The following MED14 variants were observed in gnomAD, a reference collection of about 807,000 sequenced individuals.
MED14 encodes mediator complex subunit 14, also known as mediator of RNA polymerase II transcription subunit 14.
In MED14, 8 loss-of-function variants were observed where a neutral mutation model predicts 109.0. That is an observed-to-expected ratio of 0.07 (90% CI 0.04 to 0.13). The LOEUF (loss-of-function observed/expected upper bound fraction) is 0.13, where lower values mean the gene tolerates loss of function less well. Ranked by LOEUF, MED14 falls within the 10% of genes least tolerant of loss-of-function variation. The pLI is 1.00. For missense variants in MED14, 711 were observed against 1,142.4 expected (o/e 0.62, Z 5.44); for synonymous variants, 399 against 408.7 (o/e 0.98, Z 0.29).
At chrX:40,686,832 TC>T in intron 16 of MED14, among the ~76,000 whole-genome samples, 1 of 112,008 alleles carries the variant, frequency 8.9e-6, no homozygotes, top group South Asian at 3.7e-4. Context: ...GAAACCTGTT[TC>T]CTGGACCAAA....
At chrX:40,687,411 T>A (rs1450967740) in intron 16 of MED14, among the ~76,000 whole-genome samples, 1 of 111,898 alleles carries the variant, frequency 8.9e-6, no homozygotes, top group Non-Finnish European at 1.9e-5. Context: ...TTCAATTTAT[T>A]CTCCATATTG....
intron 7 of MED14, among the ~76,000 whole-genome samples, chrX:40,711,583 T>C (rs1398907592): frequency 9.0e-6 from 1 of 111,490 alleles, no homozygotes; most frequent in Non-Finnish European, 1.9e-5. Context: ...ATTGACCAAA[T>C]AGTACTATTT....
At chrX:40,692,370 G>A in intron 14 of MED14, 53 bp from the exon 15 acceptor site, 1 of 881,041 alleles carries the variant, frequency 1.1e-6, no homozygotes, top group South Asian at 2.3e-5. Context: ...AAAAGTACAT[G>A]TGATGCAATT....
chrX:40,711,395 C>A, intron 7 of MED14, 94 bp from the exon 8 acceptor site: 1 of 708,191 alleles, frequency 1.4e-6, no homozygotes, highest in South Asian at 4.3e-5. Flanking sequence ...TTATTGAAAA[C>A]CTGGAGAAAA....
At chrX:40,690,247 C>T (rs376189317) in intron 15 of MED14, among the ~76,000 whole-genome samples, 1 of 111,802 alleles carries the variant, frequency 8.9e-6, no homozygotes, top group African/African-American at 3.3e-5. Context: ...GTTCTAGGAG[C>T]TGGGTCATCA....
chrX:40,701,242 G>C lies in MED14; in HGVS notation c.1413C>G (p.Asp471Glu). The C allele has an allele frequency of 8.5e-7, 1 of 1,180,813 alleles. No homozygotes were observed. Among genetic ancestry groups the C allele is most frequent in the East Asian group, 3.0e-5 (1 of 33,595 alleles). Residue 471 changes from aspartate (D) to glutamate (E), a missense_variant and splice_region_variant, in exon 12 of 31, where the codon GAC becomes GAG. Physicochemically the swap from Asp to Glu is conservative, Grantham distance 45. Around this residue, in one of 8 missense-constraint regions of MED14, gnomAD observed 388 missense variants for 517.3 expected, o/e 0.75. Transcript: ENST00000324817. ...GMFQLMLYGL[D>E]QATLDDMEKS... The stretch of plus-strand genomic sequence containing the variant: ...TCTCCATGTCATCCAGAGTGGCCTG[G>C]TCTACAGAATAAAGCACTTCATTAA...
chrX:40,676,640 T>A (rs1253738861), intron 21 of MED14, among the ~76,000 whole-genome samples: 1 of 111,962 alleles, frequency 8.9e-6, no homozygotes, highest in Admixed American at 9.4e-5. Flanking sequence ...TGTAATCGAA[T>A]TGTAATCCCC....
intron 3 of MED14, among the ~76,000 whole-genome samples, chrX:40,716,850 C>T (rs773689489): frequency 6.3e-5 from 7 of 111,390 alleles, no homozygotes; most frequent in African/African-American, 2.0e-4. Flanking sequence ...GAAAGCCTGC[C>T]GTTTGCAACA....
intron 16 of MED14, among the ~76,000 whole-genome samples, chrX:40,683,394 C>CA (rs1394094249): frequency 8.9e-6 from 1 of 111,911 alleles, no homozygotes; most frequent in East Asian, 2.8e-4. Context: ...GCCTTGGAGT[C>CA]AGAGACCCAC....
intron 12 of MED14, 89 bp downstream of exon 12, chrX:40,701,076 T>A: frequency 1.6e-6 from 1 of 625,815 alleles, no homozygotes; most frequent in Non-Finnish European, 2.5e-6. Context: ...TTAAGGACAG[T>A]GAATGACCAA....
At chrX:40,697,873 T>C (rs1005905753) in intron 12 of MED14, among the ~76,000 whole-genome samples, 2 of 112,068 alleles carry the variant, frequency 1.8e-5, no homozygotes, top group African/African-American at 3.2e-5. Flanking sequence ...GGTTGGGTGC[T>C]GATACATTTG....
Position 40,713,770 on chromosome X carries a change from A to G in MED14, c.652+8T>C. 8.3e-7 allele frequency: 1 copy of G among 1,210,069 alleles called. No individual in the cohort carries two copies. The highest frequency in any genetic ancestry group is 1.1e-6 in the Non-Finnish European group (1 of 894,669). ...CAACTCTTAAAAAAATAAATTTCAG[A>G]TACATACCAACTGTAAGATTTGCTA... On this transcript the variant is annotated splice_region_variant and intron_variant, in intron 5 of 30. Transcript: ENST00000324817.
chrX:40,703,388 T>G, intron 11 of MED14, 56 bp downstream of exon 11: 1 of 1,042,999 alleles, frequency 9.6e-7, no homozygotes, highest in Non-Finnish European at 1.3e-6. Context: ...GTTTATTTTG[T>G]TTTTGTTAAA....
At chrX:40,725,522 C>A (rs1323443127) in intron 3 of MED14, among the ~76,000 whole-genome samples, 1 of 112,036 alleles carries the variant, frequency 8.9e-6, no homozygotes, top group Non-Finnish European at 1.9e-5. Context: ...AAGGATGGTT[C>A]AAAATATACA....
intron 10 of MED14, among the ~76,000 whole-genome samples, chrX:40,705,612 G>A (rs931105270): frequency 8.9e-6 from 1 of 112,250 alleles, no homozygotes; most frequent in African/African-American, 3.2e-5. Context: ...AGCAGTGTAA[G>A]ATGACAGGAC....
intron 16 of MED14, among the ~76,000 whole-genome samples, chrX:40,687,450 A>G (rs746261164): frequency 4.5e-4 from 50 of 111,947 alleles, no homozygotes; most frequent in Non-Finnish European, 8.1e-4. Context: ...AAAAACACCT[A>G]TCTAATGATG....
chrX:40,676,256 C>T (rs1412937216), intron 21 of MED14, among the ~76,000 whole-genome samples: 4 of 111,918 alleles, frequency 3.6e-5, no homozygotes, highest in African/African-American at 6.5e-5. Flanking sequence ...TGCGCTCCAG[C>T]CTGGGCGACA....
chrX:40,699,578 G>C (rs764748702), intron 12 of MED14, among the ~76,000 whole-genome samples: 10 of 111,797 alleles, frequency 8.9e-5, no homozygotes, highest in Non-Finnish European at 1.9e-5. Flanking sequence ...TGAGTTAAAG[G>C]CTTTTGGAAC....
chrX:40,732,379 T>A (rs1932105179), intron 1 of MED14, among the ~76,000 whole-genome samples: 1 of 111,008 alleles, frequency 9.0e-6, no homozygotes, highest in African/African-American at 3.3e-5. Context: ...ATTAACCAGG[T>A]GTGGTGGTGC....
Sources: gnomAD v4.1 joint callset for allele counts (sites outside exome capture counted in the v4.1 genomes callset) on GRCh38, gnomAD v4.1.1 for gene constraint, gnomAD v4.1.1 regional missense constraint, MANE v1.5 for transcripts, NCBI Gene and HGNC (gene_info 2026-07-23, HGNC 2026-07-21) for gene names.